RAB38: variants seen among roughly 807,000 people sequenced by gnomAD.
The protein encoded by RAB38 is RAB38, member RAS oncogene family.
RAB38 carries 15 observed loss-of-function variants against 18.4 expected under a neutral mutation model. The ratio of observed to expected loss-of-function variants is 0.82; its 90% CI spans 0.55 to 1.26. RAB38 has a LOEUF of 1.26. Ranked by LOEUF, RAB38 falls within the 50% of genes most tolerant of loss-of-function variation. The pLI, the probability that RAB38 is intolerant of heterozygous loss-of-function variation, is 0.00. For missense variants in RAB38, 294 were observed against 267.4 expected (o/e 1.10, Z -0.69); for synonymous variants, 101 against 104.4 (o/e 0.97, Z 0.20).
the RAB38 span, among the ~76,000 whole-genome samples, chr11:87,955,703 A>G: frequency 6.6e-6 from 1 of 152,072 alleles, no homozygotes; most frequent in Non-Finnish European, 1.5e-5. Context: ...TCATCTGTCA[A>G]TCATCCATTG....
the RAB38 span, among the ~76,000 whole-genome samples, chr11:88,055,772 G>A: frequency 6.6e-6 from 1 of 152,148 alleles, no homozygotes; most frequent in Non-Finnish European, 1.5e-5. Flanking sequence ...AACGAAAGAT[G>A]AACAAGGCAG....
At chr11:87,965,452 A>G in the RAB38 span, among the ~76,000 whole-genome samples, 1 of 152,112 alleles carries the variant, frequency 6.6e-6, no homozygotes, top group African/African-American at 2.4e-5. Context: ...ACTGAATTTG[A>G]GAGAGGAATC....
chr11:87,819,011 A>G, the RAB38 span, among the ~76,000 whole-genome samples: 1 of 152,250 alleles, frequency 6.6e-6, no homozygotes, highest in African/African-American at 2.4e-5. Context: ...GTAGCATTCT[A>G]TAACACTGGT....
the RAB38 span, among the ~76,000 whole-genome samples, chr11:87,906,239 G>C: frequency 1.3e-5 from 2 of 151,944 alleles, no homozygotes; most frequent in Non-Finnish European, 2.9e-5. Flanking sequence ...AACAAATAAA[G>C]CTTCAAGAAG....
the RAB38 span, among the ~76,000 whole-genome samples, chr11:87,976,113 C>CTT: frequency 2.1e-5 from 3 of 145,492 alleles, no homozygotes; most frequent in East Asian, 6.0e-4. Flanking sequence ...TATATGTGTG[C>CTT]GTGTAAATAT....
chr11:87,879,349 C>A, the RAB38 span: 1 of 151,128 alleles, frequency 6.6e-6, no homozygotes, highest in South Asian at 2.1e-4. Context: ...TGGAAGGGAC[C>A]GCCTACTTTT....
At chr11:88,031,624 T>C in the RAB38 span, among the ~76,000 whole-genome samples, 32 of 151,806 alleles carry the variant, frequency 2.1e-4, no homozygotes, top group Non-Finnish European at 4.4e-4. Context: ...GAACTCCTAT[T>C]CACAATTGCT....
chr11:88,081,880 A>G, the RAB38 span, among the ~76,000 whole-genome samples: 3 of 151,928 alleles, frequency 2.0e-5, no homozygotes, highest in African/African-American at 7.2e-5. Context: ...CAACTGGTGA[A>G]GGGATAAAAA....
chr11:87,891,695 A>T, the RAB38 span, among the ~76,000 whole-genome samples: 1 of 151,846 alleles, frequency 6.6e-6, no homozygotes, highest in Admixed American at 6.6e-5. Flanking sequence ...AAGATTTGGA[A>T]TATGTATTTT....
At chr11:88,053,075 C>T in the RAB38 span, among the ~76,000 whole-genome samples, 1 of 125,196 alleles carries the variant, frequency 8.0e-6, no homozygotes, top group Non-Finnish European at 1.6e-5. Context: ...TATATATACA[C>T]ATATATATGG....
the RAB38 span, among the ~76,000 whole-genome samples, chr11:88,083,482 T>C: frequency 6.6e-6 from 1 of 151,898 alleles, no homozygotes. Flanking sequence ...GCATTTTAGA[T>C]TTAATTAAAT....
chr11:87,810,985 G>A, the RAB38 span, among the ~76,000 whole-genome samples: 1 of 152,100 alleles, frequency 6.6e-6, no homozygotes, highest in African/African-American at 2.4e-5. Context: ...GAACAGGAAA[G>A]AAAGGAAAAG....
the RAB38 span, among the ~76,000 whole-genome samples, chr11:88,055,895 G>T: frequency 1.3e-5 from 2 of 152,138 alleles, no homozygotes; most frequent in African/African-American, 4.8e-5. Flanking sequence ...AGGAGGCCCT[G>T]GTGATCTAAT....
chr11:88,033,948 C>T, the RAB38 span, among the ~76,000 whole-genome samples: 3 of 151,922 alleles, frequency 2.0e-5, no homozygotes, highest in Admixed American at 6.6e-5. Flanking sequence ...AGGATGGTCT[C>T]GATCTCCTGA....
the RAB38 span, among the ~76,000 whole-genome samples, chr11:88,039,523 T>G: frequency 0.02 from 2,998 of 152,104 alleles, 117 homozygotes; most frequent in South Asian, 0.059. Context: ...CACAGGGACT[T>G]AGGAGCCTCT....
chr11:87,923,169 G>T, the RAB38 span, among the ~76,000 whole-genome samples: 1 of 151,842 alleles, frequency 6.6e-6, no homozygotes. Flanking sequence ...TAAACATGGT[G>T]GTCCTGCGTT....
At chr11:88,026,092 GT>G in the RAB38 span, among the ~76,000 whole-genome samples, 1 of 151,928 alleles carries the variant, frequency 6.6e-6, no homozygotes, top group East Asian at 1.9e-4. Flanking sequence ...AGCCTCCTGA[GT>G]AGCTGGGATT....
At chr11:88,140,079 T>C (rs981292215) in intron 2 of RAB38, among the ~76,000 whole-genome samples, 2 of 152,194 alleles carry the variant, frequency 1.3e-5, no homozygotes, top group Admixed American at 1.3e-4. Flanking sequence ...CACAAGCTAA[T>C]GTCAGATTCT....
At chr11:88,127,012 G>C (rs1942705819) in intron 2 of RAB38, among the ~76,000 whole-genome samples, 1 of 152,170 alleles carries the variant, frequency 6.6e-6, no homozygotes, top group Non-Finnish European at 1.5e-5. Context: ...TTCTTCATTA[G>C]AGTAAGATAT....
Sources: allele counts gnomAD v4.1 joint callset (sites outside exome capture counted in the v4.1 genomes callset), GRCh38; gene constraint gnomAD v4.1.1; transcripts MANE v1.5; gene names NCBI Gene and HGNC (gene_info 2026-07-23, HGNC 2026-07-21).